Variants in GAS7 observed in about 807,000 individuals in gnomAD.
The protein encoded by GAS7 is growth arrest specific 7, also known as growth arrest-specific protein 7.
In GAS7, 28 loss-of-function variants were observed where a neutral mutation model predicts 71.1. The ratio of observed to expected loss-of-function variants is 0.39; its 90% CI spans 0.29 to 0.54. The LOEUF is 0.54. Ranked by LOEUF, GAS7 falls within the 20% of genes least tolerant of loss-of-function variation. The probability of loss-of-function intolerance (pLI) is 0.62; values close to 1 mark genes in which losing one functional copy is unlikely to be tolerated. For synonymous variants in GAS7, 258 were observed against 245.8 expected, an observed-to-expected ratio of 1.05 and a Z score of -0.46; for missense variants, 436 against 627.8, an observed-to-expected ratio of 0.69 and a Z score of 3.27.
intron 3 of GAS7, among the ~76,000 whole-genome samples, chr17:9,971,192 T>C: frequency 6.7e-6 from 1 of 149,918 alleles, no homozygotes. Flanking sequence ...AGTCCAGGAG[T>C]TCCAGACCAG....
chr17:9,942,621 C>T (rs552861684), intron 7 of GAS7, among the ~76,000 whole-genome samples: 14 of 152,192 alleles, frequency 9.2e-5, no homozygotes, highest in Non-Finnish European at 1.3e-4. Context: ...TTTTGGCTAA[C>T]GATGAATTGA....
chr17:9,961,034 G>A (rs556568618), intron 4 of GAS7, among the ~76,000 whole-genome samples: 1 of 152,230 alleles, frequency 6.6e-6, no homozygotes, highest in South Asian at 2.1e-4. Flanking sequence ...CAGCTGCTGG[G>A]CCTGATCCAG....
intron 1 of GAS7, among the ~76,000 whole-genome samples, chr17:10,027,259 A>AAT (rs34763499): frequency 7.2e-5 from 11 of 152,308 alleles, no homozygotes; most frequent in South Asian, 4.1e-4. Context: ...TGAATGAATG[A>AAT]GTGAATGAAA....
At chr17:10,005,222 CAT>C (rs2071465699) in intron 2 of GAS7, among the ~76,000 whole-genome samples, 1 of 150,176 alleles carries the variant, frequency 6.7e-6, no homozygotes, top group African/African-American at 2.5e-5. Flanking sequence ...TGCGCGTGTG[CAT>C]GTATGTGTAT....
intron 1 of GAS7, among the ~76,000 whole-genome samples, chr17:10,122,463 C>T (rs188678039): frequency 2.6e-5 from 4 of 152,298 alleles, no homozygotes; most frequent in South Asian, 4.1e-4. Flanking sequence ...CAGAACAAAG[C>T]GAGAAAGGCC....
chr17:10,110,954 C>T (rs1036714338), intron 1 of GAS7, among the ~76,000 whole-genome samples: 1 of 152,210 alleles, frequency 6.6e-6, no homozygotes, highest in Non-Finnish European at 1.5e-5. Context: ...ATACATGCAA[C>T]CAAATATCAC....
At chr17:10,174,842 T>C (rs1028702556) in intron 1 of GAS7, among the ~76,000 whole-genome samples, 1 of 152,162 alleles carries the variant, frequency 6.6e-6, no homozygotes, top group Non-Finnish European at 1.5e-5. Flanking sequence ...TCTGCCCTCA[T>C]GCAGCTCACA....
intron 5 of GAS7, among the ~76,000 whole-genome samples, chr17:9,947,338 G>A (rs765153533): frequency 7.9e-5 from 12 of 152,196 alleles, no homozygotes; most frequent in Non-Finnish European, 1.2e-4. Context: ...ATTTATGGCC[G>A]TTAAAGGCTG....
At chr17:10,188,041 C>T (rs554698693) in intron 1 of GAS7, among the ~76,000 whole-genome samples, 22 of 152,206 alleles carry the variant, frequency 1.4e-4, no homozygotes, top group South Asian at 1.0e-3. Flanking sequence ...GTCAGGAGTT[C>T]GAGACCTGCC....
At chr17:10,172,586 A>G (rs1361781002) in intron 1 of GAS7, among the ~76,000 whole-genome samples, 2 of 152,280 alleles carry the variant, frequency 1.3e-5, no homozygotes, top group Non-Finnish European at 2.9e-5. Flanking sequence ...AGGAACATAC[A>G]GAACTATCAC....
chr17:10,034,584 C>T lies in GAS7; in HGVS notation c.184-14687G>A, dbSNP rs927439039. Among the ~76,000 whole-genome samples, 1 of 152,206 alleles carries T rather than the reference C, an allele frequency of 6.6e-6. No individual in the cohort carries two copies. Among genetic ancestry groups the T allele is most frequent in the African/African-American group, 2.4e-5 (1 of 41,468 alleles). On this transcript the variant is annotated intron_variant, in intron 1 of 13. Transcript: ENST00000432992. This position sits in a 1 kb window ranked among gnomAD's most constrained non-coding sequence, Gnocchi z 4.4. ...TCGGCCTCCCAAAGTGCTGGGATTACAGGCGTGAGCCACTGCGCCCGGCCC... is the reference window on the plus strand; with the variant it reads ...TCGGCCTCCCAAAGTGCTGGGATTATAGGCGTGAGCCACTGCGCCCGGCCC...
chr17:10,042,799 T>A (rs1192120925), intron 1 of GAS7, among the ~76,000 whole-genome samples: 2 of 152,064 alleles, frequency 1.3e-5, no homozygotes, highest in Non-Finnish European at 2.9e-5. Context: ...AGGAACATGA[T>A]GTACGAAGCA....
chr17:10,044,037 T>C (rs529662256), intron 1 of GAS7, among the ~76,000 whole-genome samples: 1 of 152,330 alleles, frequency 6.6e-6, no homozygotes, highest in East Asian at 1.9e-4. Context: ...GATGAAACCT[T>C]TGAAATGGTG....
intron 1 of GAS7, among the ~76,000 whole-genome samples, chr17:10,129,282 C>A (rs1810383140): frequency 6.6e-6 from 1 of 152,170 alleles, no homozygotes; most frequent in Non-Finnish European, 1.5e-5. Flanking sequence ...GCCTGTAATC[C>A]CAGCAACGAT....
chr17:10,192,392 C>A (rs2074509146), intron 1 of GAS7, among the ~76,000 whole-genome samples: 1 of 152,184 alleles, frequency 6.6e-6, no homozygotes, highest in Non-Finnish European at 1.5e-5. Flanking sequence ...AGTCAAAATA[C>A]CTTACATGTA....
intron 1 of GAS7, among the ~76,000 whole-genome samples, chr17:10,182,939 A>G (rs1269953034): frequency 6.6e-6 from 1 of 152,176 alleles, no homozygotes; most frequent in Non-Finnish European, 1.5e-5. Context: ...CCTCATTACA[A>G]AAAGAGTTTT....
chr17:9,953,155 T>C (rs1206118357), intron 5 of GAS7, among the ~76,000 whole-genome samples: 3 of 151,660 alleles, frequency 2.0e-5, no homozygotes, highest in Non-Finnish European at 2.9e-5. Flanking sequence ...CATGAAATAC[T>C]ATGCAGCTGT....
rs909053249 is a variant in GAS7, at chr17:9,915,778, G to C, written c.*1450C>G. 2 of 231,092 alleles carry C rather than the reference G, an allele frequency of 8.7e-6. No homozygotes were observed. Among genetic ancestry groups the C allele is most frequent in the Admixed American group, 5.6e-5 (1 of 17,706 alleles). The allele number at this position is 231,092 out of a possible 1,614,324, so 14.3% of individuals were successfully genotyped here. ...GAAGAAAGATGGATTTCCAGGGCAT[G>C]GGCTCCCGACTAGAATCTGCCCCTC... On this transcript the variant is annotated 3_prime_UTR_variant, in exon 14 of 14. Coordinates refer to ENST00000432992, the MANE Select transcript of GAS7 (RefSeq NM_201433.2).
chr17:10,174,546 G>T (rs1175265633), intron 1 of GAS7, among the ~76,000 whole-genome samples: 2 of 152,088 alleles, frequency 1.3e-5, no homozygotes, highest in African/African-American at 4.8e-5. Context: ...CAAAAAATTA[G>T]CCGGGCGCAG....
Sources: allele counts gnomAD v4.1 joint callset (sites outside exome capture counted in the v4.1 genomes callset), GRCh38; gene constraint gnomAD v4.1.1; non-coding constraint Gnocchi (gnomAD v3.1); transcripts MANE v1.5; gene names NCBI Gene and HGNC (gene_info 2026-07-23, HGNC 2026-07-21).